GYS2: variants seen among roughly 807,000 people sequenced by gnomAD.
GYS2 encodes glycogen synthase 2, also known as glycogen [starch] synthase, liver.
In GYS2, 80 loss-of-function variants were observed where a neutral mutation model predicts 85.6. That is an observed-to-expected ratio of 0.93 (90% CI 0.78 to 1.13). The LOEUF (loss-of-function observed/expected upper bound fraction) is 1.13, where lower values mean the gene tolerates loss of function less well. Among genes scored for constraint, GYS2 ranks in the 50% most tolerant of loss-of-function variants. GYS2 has a pLI of 0.00. For synonymous variants in GYS2, 328 were observed against 300.7 expected (o/e 1.09, Z -0.94); for missense variants, 881 against 854.9 (o/e 1.03, Z -0.38).
At chr12:21,570,295 T>C (rs1944370857) in intron 4 of GYS2, among the ~76,000 whole-genome samples, 1 of 152,214 alleles carries the variant, frequency 6.6e-6, no homozygotes, top group African/African-American at 2.4e-5. Flanking sequence ...ATCAACTTTT[T>C]TGAGCAATTT....
chr12:21,589,778 T>C (rs1318693805), intron 1 of GYS2, among the ~76,000 whole-genome samples: 4 of 152,020 alleles, frequency 2.6e-5, no homozygotes, highest in African/African-American at 9.7e-5. Flanking sequence ...TGCCCAGCAA[T>C]CGCACAAAGG....
rs117874539 is a variant in GYS2 at position 21,588,768 on chromosome 12, A to G, written c.122-8245T>C. Reference sequence around the variant, plus strand: ...TCCAACAATAAATCTAAGTTAACATAAATTGATGTCATCTACTACATCTAA... The same window carrying G: ...TCCAACAATAAATCTAAGTTAACATGAATTGATGTCATCTACTACATCTAA... On this transcript the variant is annotated intron_variant, in intron 1 of 15. Transcript: ENST00000261195. Among the ~76,000 whole-genome samples, 356 of 152,370 alleles carry G rather than the reference A, an allele frequency of 2.3e-3. 3 individuals are homozygous for G. The Middle Eastern group carries it at 0.041, about 17-fold the overall frequency.
At chr12:21,576,412 T>A (rs765646090) in intron 2 of GYS2, among the ~76,000 whole-genome samples, 1 of 152,206 alleles carries the variant, frequency 6.6e-6, no homozygotes, top group Non-Finnish European at 1.5e-5. Context: ...ATGCTTTGTA[T>A]CTCTGAAAAC....
chr12:21,584,046 C>T (rs1045608338), intron 1 of GYS2, among the ~76,000 whole-genome samples: 7 of 152,154 alleles, frequency 4.6e-5, no homozygotes, highest in South Asian at 2.1e-4. Context: ...TAGTTCTGCA[C>T]GATATGCAGG....
chr12:21,534,482 A>G (rs1943892344), downstream of GYS2, among the ~76,000 whole-genome samples: 1 of 152,012 alleles, frequency 6.6e-6, no homozygotes, highest in Non-Finnish European at 1.5e-5. Flanking sequence ...ACACCACTGC[A>G]CTCCAGCCTG....
At chr12:21,569,897 C>A (rs764038989) in intron 4 of GYS2, among the ~76,000 whole-genome samples, 14 of 152,162 alleles carry the variant, frequency 9.2e-5, no homozygotes, top group Admixed American at 2.0e-4. Context: ...GAAATTGAAC[C>A]TTTTAGAGGT....
chr12:21,562,909 C>T lies in GYS2; in HGVS notation c.1062+9G>A. ...AAGAGTGTTATACCATGTCCTAGAG[C>T]TTTCTTACCCTCAGCAGGAAATTTA... On this transcript the variant is annotated intron_variant, in intron 7 of 15. Transcript: ENST00000261195. The T allele has an allele frequency of 2.5e-6, 4 of 1,611,992 alleles. No individual in the cohort carries two copies. Among genetic ancestry groups the T allele is most frequent in the Non-Finnish European group, 3.4e-6 (4 of 1,178,238 alleles).
chr12:21,570,024 A>G (rs1944367832), intron 4 of GYS2, among the ~76,000 whole-genome samples: 1 of 152,168 alleles, frequency 6.6e-6, no homozygotes, highest in African/African-American at 2.4e-5. Flanking sequence ...TTTTTATATC[A>G]TTGAGACTTC....
At chr12:21,550,588 T>C (rs1490914440) in intron 11 of GYS2, among the ~76,000 whole-genome samples, 1 of 152,100 alleles carries the variant, frequency 6.6e-6, no homozygotes, top group Non-Finnish European at 1.5e-5. Flanking sequence ...ACCTACCTTA[T>C]GTTGCCCACC....
At chr12:21,561,992 A>C (rs1944258898) in intron 7 of GYS2, among the ~76,000 whole-genome samples, 1 of 152,230 alleles carries the variant, frequency 6.6e-6, no homozygotes, top group Non-Finnish European at 1.5e-5. Flanking sequence ...TTCTCCTGTG[A>C]ATATTTTCCT....
chr12:21,537,062 G>T lies in GYS2; in HGVS notation c.2004C>A (p.Tyr668Ter), dbSNP rs571493564. 6.2e-7 allele frequency: 1 copy of T among 1,613,430 alleles called. No homozygotes were observed. The highest frequency in any genetic ancestry group is 1.7e-5 in the Admixed American group (1 of 59,974). ...DVEDEVEDER[Y>*]DEEEEAERDR... ...CCCTTTCAGCCTCCTCTTCCTCATC[G>T]TATCTCTCATCCTCCACTTCATCTT... Residue 668 changes from tyrosine to a stop codon, truncating the protein, a stop_gained, in exon 16 of 16, where the codon TAC (tyrosine) becomes TAA (stop). Coordinates refer to ENST00000261195, the MANE Select transcript of GYS2 (RefSeq NM_021957.4). LOFTEE classifies it high-confidence loss of function.
At chr12:21,595,105 C>T (rs1341501439) in intron 1 of GYS2, among the ~76,000 whole-genome samples, 1 of 152,122 alleles carries the variant, frequency 6.6e-6, no homozygotes. Flanking sequence ...TTTGTTCCCT[C>T]CAAATCTCAT....
At position 21,568,967 on chromosome 12, in the gene GYS2, G is replaced by C. The variant is rs1944355371; in HGVS notation, c.721C>G (p.Arg241Gly). The change falls in exon 5 of 16, where the codon CGG (arginine) becomes GGG (glycine). Residue 241 changes from arginine (R) to glycine (G), a missense_variant. Coordinates refer to ENST00000261195, the MANE Select transcript of GYS2 (RefSeq NM_021957.4). Reference sequence around the variant, plus strand: ...ACGGAAGCTCGCTCCATGCAGTACCGGTGGTAAATCTGCCTTTCCCCAGCC... The same window carrying C: ...ACGGAAGCTCGCTCCATGCAGTACCCGTGGTAAATCTGCCTTTCCCCAGCC... ...KEAGERQIYH[R>G]YCMERASVHC... 3 of 1,613,660 alleles carry C rather than the reference G, an allele frequency of 1.9e-6. No individual in the cohort carries two copies. The highest frequency in any genetic ancestry group is 1.3e-5 in the African/African-American group (1 of 75,032).
chr12:21,555,149 C>G (rs1367309029), intron 11 of GYS2, among the ~76,000 whole-genome samples: 1 of 152,122 alleles, frequency 6.6e-6, no homozygotes, highest in East Asian at 1.9e-4. Flanking sequence ...ATAAACTTTC[C>G]CTGCCTCTAC....
intron 1 of GYS2, among the ~76,000 whole-genome samples, chr12:21,586,022 CTGAG>C (rs879737955): frequency 6.6e-6 from 1 of 152,132 alleles, no homozygotes; most frequent in African/African-American, 2.4e-5. Flanking sequence ...ATGGTTAATA[CTGAG>C]TGTCAACTTG....
At chr12:21,542,685 A>G in intron 12 of GYS2, 94 bp from the exon 13 acceptor site, 2 of 768,958 alleles carry the variant, frequency 2.6e-6, no homozygotes, top group Non-Finnish European at 4.7e-6. Context: ...CCTCCTAAGA[A>G]TAGCAATGTT....
intron 6 of GYS2, 84 bp from the exon 7 acceptor site, chr12:21,563,122 A>T: frequency 5.1e-6 from 6 of 1,166,804 alleles, no homozygotes; most frequent in Non-Finnish European, 6.5e-6. Flanking sequence ...TAATGTACAA[A>T]GGGGGCTGGG....
At chr12:21,536,005 T>A (rs5011049), downstream of GYS2, among the ~76,000 whole-genome samples, 1,358 of 123,988 alleles carry the variant, frequency 0.011, 17 homozygotes, top group African/African-American at 0.037. Flanking sequence ...TTTTTTCTAT[T>A]TTTTAAAAAG....
At chr12:21,594,282 G>T (rs1944671771) in intron 1 of GYS2, among the ~76,000 whole-genome samples, 1 of 151,792 alleles carries the variant, frequency 6.6e-6, no homozygotes, top group South Asian at 2.1e-4. Context: ...AGAAAGAAAA[G>T]GCATGCAAAT....
Sources: allele counts gnomAD v4.1 joint callset (sites outside exome capture counted in the v4.1 genomes callset), GRCh38; gene constraint gnomAD v4.1.1; transcripts MANE v1.5; gene names NCBI Gene and HGNC (gene_info 2026-07-23, HGNC 2026-07-21).